Variants in NIPSNAP3A observed in about 807,000 individuals in gnomAD.
NIPSNAP3A encodes the protein protein NipSnap homolog 3A.
In NIPSNAP3A, 27 loss-of-function variants were observed where a neutral mutation model predicts 32.3. The ratio of observed to expected loss-of-function variants is 0.84; its 90% CI spans 0.62 to 1.15. The LOEUF is 1.15. Among genes scored for constraint, NIPSNAP3A ranks in the 50% most tolerant of loss-of-function variants. The pLI is 0.00. For synonymous variants in NIPSNAP3A, 108 were observed against 107.3 expected, an observed-to-expected ratio of 1.01 and a Z score of -0.04; for missense variants, 278 against 297.2, an observed-to-expected ratio of 0.94 and a Z score of 0.48.
rs1827943535 is a variant in NIPSNAP3A, at chr9:104,759,186, T to A, written c.667+15T>A. On this transcript the variant is annotated intron_variant, in intron 5 of 5. Transcript: ENST00000374767. The stretch of plus-strand genomic sequence containing the variant: ...TGTGGCAGCTGGTAAGCTGTTTGAC[T>A]AGGCATGAATTATTTTTAGAACAAA... 1 of 1,613,692 alleles carries A rather than the reference T, an allele frequency of 6.2e-7. No homozygotes were observed. The highest frequency in any genetic ancestry group is 8.5e-7 in the Non-Finnish European group (1 of 1,179,818).
At chr9:104,753,814 T>A (rs1190766647) in intron 3 of NIPSNAP3A, 1 of 152,400 alleles carries the variant, frequency 6.6e-6, no homozygotes, top group African/African-American at 2.4e-5. Flanking sequence ...CCCTCAGCTC[T>A]CAGCACTATC....
intron 1 of NIPSNAP3A, 127 bp downstream of exon 1, chr9:104,747,979 G>T: frequency 1.1e-6 from 1 of 917,856 alleles, no homozygotes; most frequent in Non-Finnish European, 1.6e-6. Context: ...CTGGGGCCCC[G>T]GTGAGGTTCT....
chr9:104,751,543 T>C (rs1237889379), intron 2 of NIPSNAP3A, among the ~76,000 whole-genome samples: 1 of 152,182 alleles, frequency 6.6e-6, no homozygotes, highest in Admixed American at 6.5e-5. Context: ...TGGATTAAGA[T>C]CACAAAAGGA....
intron 1 of NIPSNAP3A, among the ~76,000 whole-genome samples, chr9:104,748,058 G>C (rs573426018): frequency 7.3e-6 from 1 of 136,862 alleles, no homozygotes. Flanking sequence ...GCTGCTAGGG[G>C]AATACCCCCA....
chr9:104,752,868 T>C, intron 2 of NIPSNAP3A, 38 bp from the exon 3 acceptor site: 1 of 1,566,284 alleles, frequency 6.4e-7, no homozygotes, highest in Non-Finnish European at 8.8e-7. Flanking sequence ...GATTTAAAAT[T>C]GAATTTTTTA....
intron 4 of NIPSNAP3A, among the ~76,000 whole-genome samples, chr9:104,758,272 C>A (rs1827927986): frequency 6.6e-6 from 1 of 152,032 alleles, no homozygotes; most frequent in Non-Finnish European, 1.5e-5. Context: ...TTATAATATA[C>A]AATAAGACCC....
rs1353335648 is a variant in NIPSNAP3A, at chr9:104,747,768, C to T, written c.-25C>T. On this transcript the variant is annotated 5_prime_UTR_variant, in exon 1 of 6. Transcript: ENST00000374767. ...GTCTCAGAAAGGACACGGCTGGCTGCTTTTCTCAGCGCCGAAGCCGCGCCA... is the reference window on the plus strand; with the variant it reads ...GTCTCAGAAAGGACACGGCTGGCTGTTTTTCTCAGCGCCGAAGCCGCGCCA... 2 of 1,603,130 alleles carry T rather than the reference C, an allele frequency of 1.2e-6. No individual in the cohort carries two copies. The highest frequency in any genetic ancestry group is 2.7e-5 in the African/African-American group (2 of 74,726).
intron 4 of NIPSNAP3A, 42 bp downstream of exon 4, chr9:104,754,742 A>G (rs749956119): frequency 6.5e-7 from 1 of 1,529,948 alleles, no homozygotes; most frequent in East Asian, 2.3e-5. Context: ...TGTAATATAT[A>G]TTGTGACCTA....
chr9:104,757,336 T>C (rs181488643), intron 4 of NIPSNAP3A, among the ~76,000 whole-genome samples: 37 of 152,280 alleles, frequency 2.4e-4, no homozygotes, highest in African/African-American at 8.9e-4. Flanking sequence ...ATAATCAGAT[T>C]CAGACTGCCT....
rs1392073711 is a variant in NIPSNAP3A at position 104,753,005 on chromosome 9, A to C, written c.371A>C (p.Gln124Pro). The C allele has an allele frequency of 2.5e-6, 4 of 1,610,712 alleles. No individual in the cohort carries two copies. The highest frequency in any genetic ancestry group is 1.7e-6 in the Non-Finnish European group (2 of 1,177,168). The change falls in exon 3 of 6, where the codon CAA becomes CCA. Residue 124 changes from glutamine (Q) to proline (P), a missense_variant. Transcript: ENST00000374767. ...CCAAATTTGGCTCTCATTGATAAAC[A>C]AGAGAGTGAGATTACTTATCTGGTA... is the stretch of plus-strand genomic sequence containing the variant. ...LIPNLALIDK[Q>P]ESEITYLVPW...
intron 2 of NIPSNAP3A, 63 bp from the exon 3 acceptor site, chr9:104,752,843 C>T (rs1827861733): frequency 7.1e-7 from 1 of 1,412,980 alleles, no homozygotes. Context: ...GAATGAAACC[C>T]AGAAAAGTAC....
At chr9:104,755,846 AGTTC>A (rs1243182400) in intron 4 of NIPSNAP3A, among the ~76,000 whole-genome samples, 3 of 151,984 alleles carry the variant, frequency 2.0e-5, no homozygotes, top group African/African-American at 7.3e-5. Flanking sequence ...TTGAGCCAGG[AGTTC>A]AAGGCTACAG....
intron 2 of NIPSNAP3A, among the ~76,000 whole-genome samples, 174 bp from the exon 3 acceptor site, chr9:104,752,732 C>T (rs976416986): frequency 1.3e-5 from 2 of 152,124 alleles, no homozygotes; most frequent in African/African-American, 4.8e-5. Flanking sequence ...CCCTTTTTGT[C>T]CTTGAGCAAC....
intron 1 of NIPSNAP3A, among the ~76,000 whole-genome samples, chr9:104,748,901 C>T (rs999563810): frequency 6.6e-6 from 1 of 152,112 alleles, no homozygotes; most frequent in African/African-American, 2.4e-5. Flanking sequence ...GGAGGATGGA[C>T]GACTCATGAT....
intron 4 of NIPSNAP3A, among the ~76,000 whole-genome samples, chr9:104,755,871 T>A (rs34966298): frequency 0.072 from 10,735 of 150,114 alleles, 432 homozygotes; most frequent in South Asian, 0.16. Flanking sequence ...TAAGCTATGA[T>A]TGCACCACTG....
intron 4 of NIPSNAP3A, among the ~76,000 whole-genome samples, chr9:104,758,523 G>A (rs1208421853): frequency 5.3e-5 from 8 of 152,082 alleles, no homozygotes; most frequent in South Asian, 2.1e-4. Context: ...CAGTACTTCC[G>A]TTTTCCAGCC....
chr9:104,758,687 C>T (rs556078420), intron 4 of NIPSNAP3A, among the ~76,000 whole-genome samples: 17 of 151,726 alleles, frequency 1.1e-4, no homozygotes, highest in African/African-American at 3.9e-4. Flanking sequence ...TGGCCAAGCG[C>T]GGTGGCTCAC....
intron 3 of NIPSNAP3A, 88 bp from the exon 4 acceptor site, chr9:104,754,463 G>C (rs1273496377): frequency 9.3e-7 from 1 of 1,076,286 alleles, no homozygotes; most frequent in Admixed American, 1.8e-5. Flanking sequence ...AAATCTGTGT[G>C]TGTAGATAGT....
Position 104,754,585 on chromosome 9 carries a change from T to C in NIPSNAP3A, c.465T>C (p.Pro155=), listed in dbSNP as rs777273780. ...AACTGGCCACTTTTCAGATGAAACC[T>C]GGTGGGCCAGCTCTGTGGGGTGATG... ...VYELATFQMK[P]GGPALWGDAF... is the part of the protein sequence containing the mutation. Residue 155 remains proline, a synonymous_variant, in exon 4 of 6, where the codon CCT becomes CCC. Coordinates refer to ENST00000374767, the MANE Select transcript of NIPSNAP3A (RefSeq NM_015469.3). The C allele has an allele frequency of 5.0e-6, 8 of 1,614,108 alleles. No homozygotes were observed. In the South Asian group the frequency reaches 8.8e-5, roughly 18 times the overall value.
Sources: allele counts gnomAD v4.1 joint callset (sites outside exome capture counted in the v4.1 genomes callset), GRCh38; gene constraint gnomAD v4.1.1; transcripts MANE v1.5; gene names NCBI Gene and HGNC (gene_info 2026-07-23, HGNC 2026-07-21).